The following AKT3 variants were observed in gnomAD, a reference collection of about 807,000 sequenced individuals.
AKT3 encodes the protein RAC-gamma serine/threonine-protein kinase.
AKT3 carries 15 observed loss-of-function variants against 65.3 expected under a neutral mutation model. That is an observed-to-expected ratio of 0.23 (90% CI 0.15 to 0.35). The LOEUF (loss-of-function observed/expected upper bound fraction) is 0.35, where lower values mean the gene tolerates loss of function less well. Among genes scored for constraint, AKT3 ranks in the 10% least tolerant of loss-of-function variants. The pLI, the probability that AKT3 is intolerant of heterozygous loss-of-function variation, is 1.00. For synonymous variants in AKT3, 206 were observed against 183.8 expected (o/e 1.12, Z -0.98); for missense variants, 243 against 576.5 (o/e 0.42, Z 5.92).
At chr1:243,523,168 C>T (rs1478914502) in intron 12 of AKT3, among the ~76,000 whole-genome samples, 1 of 151,722 alleles carries the variant, frequency 6.6e-6, no homozygotes, top group Non-Finnish European at 1.5e-5. Flanking sequence ...AGGTGCTGTA[C>T]TAATTAAGTG....
intron 8 of AKT3, among the ~76,000 whole-genome samples, chr1:243,610,120 A>C (rs1677762068): frequency 6.6e-6 from 1 of 152,216 alleles, no homozygotes; most frequent in Non-Finnish European, 1.5e-5. Flanking sequence ...TATTTTTGAA[A>C]TAAAAAGATA....
chr1:243,587,145 C>T (rs770819155), intron 8 of AKT3, among the ~76,000 whole-genome samples: 4 of 151,992 alleles, frequency 2.6e-5, no homozygotes, highest in Non-Finnish European at 5.9e-5. Flanking sequence ...TAAAAAAGGG[C>T]AATTTTAAAT....
intron 13 of AKT3, among the ~76,000 whole-genome samples, chr1:243,509,897 G>C (rs1277587517): frequency 6.6e-6 from 1 of 152,140 alleles, no homozygotes; most frequent in East Asian, 1.9e-4. Flanking sequence ...GCCCAGAACT[G>C]TAAGGGGCAC....
At chr1:243,498,627 T>C (rs1341413629), downstream of AKT3, among the ~76,000 whole-genome samples, 3 of 152,250 alleles carry the variant, frequency 2.0e-5, no homozygotes, top group Non-Finnish European at 2.9e-5. Context: ...TAAACATTAC[T>C]TTTTCTCATT....
chr1:243,793,906 C>T (rs1691785166), intron 2 of AKT3, among the ~76,000 whole-genome samples: 1 of 152,098 alleles, frequency 6.6e-6, no homozygotes, highest in Non-Finnish European at 1.5e-5. Context: ...AGATATTATT[C>T]TCATTCTACT....
chr1:243,687,156 G>C (rs1047674905), intron 3 of AKT3, among the ~76,000 whole-genome samples: 7 of 152,122 alleles, frequency 4.6e-5, no homozygotes, highest in African/African-American at 1.7e-4. Flanking sequence ...CAGTATACCA[G>C]ATATTGTAAT....
At chr1:243,722,590 T>C (rs940322501) in intron 2 of AKT3, among the ~76,000 whole-genome samples, 4 of 152,108 alleles carry the variant, frequency 2.6e-5, no homozygotes, top group Non-Finnish European at 5.9e-5. Flanking sequence ...AGTCAACAAC[T>C]TCCTTCAGAC....
intron 13 of AKT3, among the ~76,000 whole-genome samples, chr1:243,494,454 A>C (rs1200640394): frequency 6.6e-6 from 1 of 152,234 alleles, no homozygotes; most frequent in Non-Finnish European, 1.5e-5. Flanking sequence ...GTGTTTTTAA[A>C]AAATGACACA....
chr1:243,607,075 C>T (rs1449759723), intron 8 of AKT3, among the ~76,000 whole-genome samples: 1 of 152,238 alleles, frequency 6.6e-6, no homozygotes, highest in African/African-American at 2.4e-5. Context: ...CAGTCTGCTG[C>T]AGGGGCAGAG....
chr1:243,591,132 A>G (rs893306421), intron 8 of AKT3, among the ~76,000 whole-genome samples: 1 of 152,202 alleles, frequency 6.6e-6, no homozygotes, highest in East Asian at 1.9e-4. Context: ...AGAGCTCGAG[A>G]GATCTACAAT....
intron 2 of AKT3, among the ~76,000 whole-genome samples, chr1:243,811,848 AG>A (rs1039305522): frequency 6.6e-6 from 1 of 152,196 alleles, no homozygotes. Context: ...AACAGAACAG[AG>A]CCCTCAGAAA....
intron 3 of AKT3, among the ~76,000 whole-genome samples, chr1:243,683,870 A>G (rs2147984455): frequency 6.6e-6 from 1 of 152,324 alleles, no homozygotes; most frequent in South Asian, 2.1e-4. Flanking sequence ...TTTTTCCTCC[A>G]ATGGATAGGA....
chr1:243,820,317 C>A (rs1267630682), intron 2 of AKT3, among the ~76,000 whole-genome samples: 1 of 152,154 alleles, frequency 6.6e-6, no homozygotes. Context: ...CCTCAAAGAT[C>A]GAAGCTGGAT....
intron 2 of AKT3, among the ~76,000 whole-genome samples, chr1:243,804,584 C>T (rs963764667): frequency 3.9e-5 from 6 of 152,162 alleles, no homozygotes; most frequent in African/African-American, 1.4e-4. Context: ...CGGTGGCTCA[C>T]GCCTGTAATC....
intron 2 of AKT3, among the ~76,000 whole-genome samples, chr1:243,804,646 A>G (rs936393822): frequency 6.6e-6 from 1 of 152,166 alleles, no homozygotes; most frequent in Admixed American, 6.5e-5. Flanking sequence ...GAAGATCGAG[A>G]CCATCCTGGC....
At chr1:243,605,880 G>A (rs1677367378) in intron 8 of AKT3, among the ~76,000 whole-genome samples, 1 of 152,210 alleles carries the variant, frequency 6.6e-6, no homozygotes, top group African/African-American at 2.4e-5. Flanking sequence ...GGGATCCACT[G>A]GAAGGTAATT....
At chr1:243,662,068 G>A (rs1239324579) in intron 4 of AKT3, among the ~76,000 whole-genome samples, 1 of 149,750 alleles carries the variant, frequency 6.7e-6, no homozygotes, top group Non-Finnish European at 1.5e-5. Context: ...AGGTGCTGGA[G>A]AGGATGTGGA....
chr1:243,583,134 C>CAT (rs767321724), intron 8 of AKT3, among the ~76,000 whole-genome samples: 23 of 133,826 alleles, frequency 1.7e-4, no homozygotes, highest in East Asian at 1.7e-3. Flanking sequence ...ATATATATTC[C>CAT]ATATATATAT....
At chr1:243,514,087 G>T (rs1670193749) in intron 12 of AKT3, among the ~76,000 whole-genome samples, 1 of 152,140 alleles carries the variant, frequency 6.6e-6, no homozygotes, top group South Asian at 2.1e-4. Context: ...TGGAATTCTG[G>T]TTGGGTTTTT....
Sources: allele counts gnomAD v4.1 joint callset (sites outside exome capture counted in the v4.1 genomes callset), GRCh38; gene constraint gnomAD v4.1.1; transcripts MANE v1.5; gene names NCBI Gene and HGNC (gene_info 2026-07-23, HGNC 2026-07-21).